The following LIPC variants were observed in gnomAD, a reference collection of about 807,000 sequenced individuals.
LIPC encodes the protein lipase C, hepatic type.
Under a neutral mutation model 50.7 loss-of-function variants are expected in LIPC, and 44 were observed. The ratio of observed to expected loss-of-function variants is 0.87; its 90% CI spans 0.68 to 1.11. The LOEUF (loss-of-function observed/expected upper bound fraction) is 1.11. Ranked by LOEUF, LIPC falls within the 50% of genes most tolerant of loss-of-function variation. The pLI is 0.00. For synonymous variants in LIPC, 271 were observed against 256.4 expected, an observed-to-expected ratio of 1.06 and a Z score of -0.54; for missense variants, 697 against 648.2, an observed-to-expected ratio of 1.08 and a Z score of -0.82.
intron 1 of LIPC, among the ~76,000 whole-genome samples, chr15:58,442,339 A>C (rs1893534848): frequency 1.3e-5 from 2 of 152,134 alleles, no homozygotes; most frequent in African/African-American, 4.8e-5. Flanking sequence ...ACCTTAATTG[A>C]CTCATTTGCC....
At chr15:58,437,432 T>C (rs1359777016) in intron 1 of LIPC, among the ~76,000 whole-genome samples, 1 of 152,174 alleles carries the variant, frequency 6.6e-6, no homozygotes, top group Non-Finnish European at 1.5e-5. Context: ...ATCATAATTA[T>C]GAAAACACTG....
At chr15:58,537,516 A>G (rs1189300624) in intron 1 of LIPC, among the ~76,000 whole-genome samples, 1 of 2,454 alleles carries the variant, frequency 4.1e-4, no homozygotes, top group Non-Finnish European at 2.6e-3. Context: ...CATCTGGAGC[A>G]TGAAGCCAGA....
At chr15:58,468,087 T>C (rs1894640985) in intron 1 of LIPC, among the ~76,000 whole-genome samples, 1 of 152,192 alleles carries the variant, frequency 6.6e-6, no homozygotes, top group Non-Finnish European at 1.5e-5. Context: ...AGCCCAGTGA[T>C]TACTCATTAT....
intron 1 of LIPC, among the ~76,000 whole-genome samples, chr15:58,460,694 G>C (rs575870786): frequency 6.6e-6 from 1 of 152,160 alleles, no homozygotes; most frequent in Non-Finnish European, 1.5e-5. Flanking sequence ...GCTCACACAG[G>C]TCCATTTCCT....
intron 1 of LIPC, among the ~76,000 whole-genome samples, chr15:58,481,380 A>C (rs1269466201): frequency 6.6e-6 from 1 of 152,254 alleles, no homozygotes; most frequent in African/African-American, 2.4e-5. Flanking sequence ...ATGTATGAGA[A>C]AAGTCATTGA....
chr15:58,499,934 T>A (rs1869141), intron 1 of LIPC, among the ~76,000 whole-genome samples: 149,949 of 152,230 alleles, frequency 0.99, 73,897 homozygotes, highest in Middle Eastern at 1. Flanking sequence ...GGGAGGTCTG[T>A]TTCGGTAGAA....
intron 1 of LIPC, among the ~76,000 whole-genome samples, chr15:58,534,629 A>G (rs1893056459): frequency 6.6e-6 from 1 of 152,090 alleles, no homozygotes; most frequent in African/African-American, 2.4e-5. Context: ...TTTCAATAAC[A>G]CATAGGGAAA....
rs1892453629 is a variant in LIPC at position 58,515,389 on chromosome 15, A to G, written c.89-22944A>G. Among the ~76,000 whole-genome samples the G allele has an allele frequency of 2.0e-5, 3 of 152,204 alleles. No individual in the cohort carries two copies. In the South Asian group the frequency reaches 6.2e-4, roughly 32 times the overall value. On this transcript the variant is annotated intron_variant, in intron 1 of 8. Coordinates refer to ENST00000299022, the MANE Select transcript of LIPC (RefSeq NM_000236.3). ...TGTTTGCTTTGCTTTAAACTCTTTC[A>G]TTTCTTTACTCAGCAAATACCATAG...
intron 1 of LIPC, among the ~76,000 whole-genome samples, chr15:58,499,005 G>A (rs765920020): frequency 4.6e-5 from 7 of 152,206 alleles, no homozygotes; most frequent in African/African-American, 1.7e-4. Flanking sequence ...GCCTGTCAAC[G>A]GCCTTGCTTC....
intron 4 of LIPC, 69 bp from the exon 5 acceptor site, chr15:58,545,673 A>G: frequency 7.6e-7 from 1 of 1,321,394 alleles, no homozygotes; most frequent in Non-Finnish European, 1.1e-6. Context: ...AATATCCAAA[A>G]GCTAAAAAGC....
Position 58,560,990 on chromosome 15 carries a change from GA to G in LIPC, c.1169+10del. The G allele has an allele frequency of 8.4e-7, 1 of 1,193,286 alleles. No individual in the cohort carries two copies. Among genetic ancestry groups the G allele is most frequent in the Non-Finnish European group, 1.2e-6 (1 of 810,194 alleles). The allele number at this position is 1,193,286 out of a possible 1,614,324, so 73.9% of individuals were successfully genotyped here. A position where few individuals can be genotyped will look rare whatever the true frequency, so the allele number is the denominator to read the frequency against. ...AAAATTCCCATCACTCTGTGAGTAG[GA>G]GGTGTAGCCCCCTAGGGTGATGACA... On this transcript the variant is annotated intron_variant, in intron 7 of 8. Transcript: ENST00000299022.
intron 2 of LIPC, among the ~76,000 whole-genome samples, chr15:58,541,335 G>C (rs1378291302): frequency 6.6e-6 from 1 of 152,082 alleles, no homozygotes; most frequent in Non-Finnish European, 1.5e-5. Flanking sequence ...ATGGGTTTAG[G>C]GGTGAGGTGG....
intron 1 of LIPC, among the ~76,000 whole-genome samples, chr15:58,524,191 G>T (rs1287271184): frequency 6.6e-6 from 1 of 152,008 alleles, no homozygotes; most frequent in Non-Finnish European, 1.5e-5. Flanking sequence ...TTCCACAAAA[G>T]TATCACACTT....
At chr15:58,454,561 TC>T (rs1182486861) in intron 1 of LIPC, 1 of 152,270 alleles carries the variant, frequency 6.6e-6, no homozygotes, top group African/African-American at 2.4e-5. Flanking sequence ...TCTGAATGAT[TC>T]ACTTCTGCCT....
In LIPC at chr15:58,545,964, A is replaced by G. The variant is rs765135409; in HGVS notation, c.797A>G (p.His266Arg). The change falls in exon 5 of 9, where the codon CAC becomes CGC. Residue 266 changes from histidine to arginine, a missense_variant. By Grantham distance (29) the His-to-Arg change is conservative. Transcript: ENST00000299022. ...GAGCTCTACAGACATATTGCCCAGC[A>G]CGGCTTCAATGGTGAGAATGAAGTC... ...FLELYRHIAQHGFNAITQTIK... is the reference protein window; with the variant it reads ...FLELYRHIAQRGFNAITQTIK... 36 of 1,613,256 alleles carry G rather than the reference A, an allele frequency of 2.2e-5. No individual in the cohort carries two copies. Among genetic ancestry groups the G allele is most frequent in the Non-Finnish European group, 2.7e-5 (32 of 1,179,268 alleles).
chr15:58,440,031 T>C (rs1230275934), intron 1 of LIPC, among the ~76,000 whole-genome samples: 1 of 152,226 alleles, frequency 6.6e-6, no homozygotes, highest in African/African-American at 2.4e-5. Context: ...CCACTGCTCC[T>C]GGATACTGAC....
Position 58,563,571 on chromosome 15 carries a change from G to A in LIPC, c.1236G>A (p.Glu412=). 1.9e-6 allele frequency: 3 copies of A among 1,614,148 alleles called. No homozygotes were observed. The highest frequency in any genetic ancestry group is 1.3e-5 in the African/African-American group (1 of 75,018). The part of the protein sequence containing the change: ...FLITLDVDIG[E]LIMIKFKWEN... ...TCACGCTGGATGTGGATATCGGCGA[G>A]CTGATCATGATCAAGTTCAAGTGGG... is the stretch of plus-strand genomic sequence containing the variant. Residue 412 remains glutamate, a synonymous_variant, in exon 8 of 9, where the codon GAG becomes GAA. Transcript: ENST00000299022.
chr15:58,474,163 G>A (rs1027556926), intron 1 of LIPC, among the ~76,000 whole-genome samples: 4 of 152,140 alleles, frequency 2.6e-5, no homozygotes, highest in African/African-American at 9.7e-5. Context: ...GGGGGAAGAG[G>A]GGACGGTTTC....
chr15:58,458,723 G>T (rs1894225229), intron 1 of LIPC, among the ~76,000 whole-genome samples: 1 of 152,144 alleles, frequency 6.6e-6, no homozygotes, highest in Non-Finnish European at 1.5e-5. Flanking sequence ...AGCAGAATCT[G>T]GTCACCCCTC....
Sources: allele counts gnomAD v4.1 joint callset (sites outside exome capture counted in the v4.1 genomes callset), GRCh38; gene constraint gnomAD v4.1.1; transcripts MANE v1.5; gene names NCBI Gene and HGNC (gene_info 2026-07-23, HGNC 2026-07-21).